Variants in PRLR observed in about 807,000 individuals in gnomAD.
The protein encoded by PRLR is hPRL receptor.
PRLR carries 13 observed loss-of-function variants against 40.2 expected under a neutral mutation model. The ratio of observed to expected loss-of-function variants is 0.32; its 90% CI spans 0.21 to 0.51. The LOEUF (loss-of-function observed/expected upper bound fraction) is 0.51. PRLR is among the 20% of genes least tolerant of loss of function. The probability of loss-of-function intolerance (pLI) is 0.97; values close to 1 mark genes in which losing one functional copy is unlikely to be tolerated. For synonymous variants in PRLR, 269 were observed against 278.7 expected (o/e 0.97, Z 0.35); for missense variants, 656 against 747.3 (o/e 0.88, Z 1.42).
chr5:35,223,655 G>A (rs1472493749), intron 1 of PRLR, among the ~76,000 whole-genome samples: 4 of 152,214 alleles, frequency 2.6e-5, no homozygotes, highest in South Asian at 2.1e-4. Flanking sequence ...ATACCTTAGA[G>A]GTTATGGGCA....
intron 1 of PRLR, among the ~76,000 whole-genome samples, chr5:35,173,375 C>T (rs1579763064): frequency 6.6e-6 from 1 of 152,254 alleles, no homozygotes; most frequent in East Asian, 1.9e-4. Context: ...TCCATTCATG[C>T]CCTGCTTTTT....
Position 35,156,153 on chromosome 5 carries a change from A to C in PRLR, c.-105-38031T>G, listed in dbSNP as rs138473550. Reference sequence around the variant, plus strand: ...AAAAAAAAAAAACAAAAAAAAAAACAAAACCAACTTTGAATCATCCTTGAT... The same window carrying C: ...AAAAAAAAAAAACAAAAAAAAAAACCAAACCAACTTTGAATCATCCTTGAT... On this transcript the variant is annotated intron_variant, in intron 1 of 9. Transcript: ENST00000618457. Among the ~76,000 whole-genome samples the C allele has an allele frequency of 4.2e-3, 627 of 151,018 alleles. 9 individuals are homozygous for C. Among genetic ancestry groups the C allele is most frequent in the African/African-American group, 0.014 (576 of 40,716 alleles).
chr5:35,122,867 A>C (rs530340795), intron 1 of PRLR, among the ~76,000 whole-genome samples: 1 of 152,290 alleles, frequency 6.6e-6, no homozygotes, highest in African/African-American at 2.4e-5. Flanking sequence ...CTGAGAGTGG[A>C]GGAACCAAAG....
At chr5:35,131,399 T>C (rs1335380930) in intron 1 of PRLR, among the ~76,000 whole-genome samples, 2 of 152,166 alleles carry the variant, frequency 1.3e-5, no homozygotes, top group East Asian at 1.9e-4. Context: ...GGGGTTTACA[T>C]ACAGGGGAGA....
At chr5:35,084,724 T>C in intron 4 of PRLR, 85 bp from the exon 5 acceptor site, 1 of 1,310,552 alleles carries the variant, frequency 7.6e-7, no homozygotes, top group Non-Finnish European at 1.0e-6. Context: ...ACCACTGGCC[T>C]TTGGGTATCA....
intron 2 of PRLR, among the ~76,000 whole-genome samples, chr5:35,116,486 G>C (rs1466663982): frequency 6.6e-6 from 1 of 152,158 alleles, no homozygotes; most frequent in East Asian, 1.9e-4. Flanking sequence ...CAAATACAAA[G>C]TAGCGGCCAA....
chr5:35,171,599 A>G (rs1355251502), intron 1 of PRLR, among the ~76,000 whole-genome samples: 1 of 152,226 alleles, frequency 6.6e-6, no homozygotes. Flanking sequence ...AATGGGGTCC[A>G]GGACACTATG....
intron 2 of PRLR, among the ~76,000 whole-genome samples, chr5:35,113,737 C>T (rs1199132173): frequency 6.6e-6 from 1 of 152,208 alleles, no homozygotes; most frequent in Non-Finnish European, 1.5e-5. Flanking sequence ...CTAAGGAGGA[C>T]CCCTGCAGGT....
intron 1 of PRLR, among the ~76,000 whole-genome samples, chr5:35,189,797 T>A (rs1344602524): frequency 6.6e-6 from 1 of 152,116 alleles, no homozygotes; most frequent in Non-Finnish European, 1.5e-5. Flanking sequence ...TTATGAAGAT[T>A]CCTCTCAGTG....
At position 35,060,590 on chromosome 5, in the gene PRLR, A is replaced by AT. The variant is rs2053814198; in HGVS notation, c.*4498dup. 1 of 152,234 alleles carries AT rather than the reference A, an allele frequency of 6.6e-6. No individual in the cohort carries two copies. Among genetic ancestry groups the AT allele is most frequent in the Non-Finnish European group, 1.5e-5 (1 of 68,046 alleles). 9.4% of individuals were successfully genotyped at this position (152,234 alleles called of 1,614,324 possible). On this transcript the variant is annotated 3_prime_UTR_variant, in exon 10 of 10. Transcript: ENST00000618457. ...CTGATGGCCAGAGTTTAAAAGACTCATCCCAGGACATAGTGCCTACTTAGT... is the reference window on the plus strand; with the variant it reads ...CTGATGGCCAGAGTTTAAAAGACTCATTCCCAGGACATAGTGCCTACTTAGT...
At chr5:35,172,612 C>A (rs976589717) in intron 1 of PRLR, among the ~76,000 whole-genome samples, 2 of 152,204 alleles carry the variant, frequency 1.3e-5, no homozygotes, top group African/African-American at 4.8e-5. Context: ...TCTGCTGACA[C>A]CTTTGTAAAG....
intron 1 of PRLR, among the ~76,000 whole-genome samples, chr5:35,181,500 G>T (rs1775296270): frequency 6.6e-6 from 1 of 152,170 alleles, no homozygotes; most frequent in African/African-American, 2.4e-5. Context: ...TATTAAGTGA[G>T]AGCTGCCACT....
intron 2 of PRLR, among the ~76,000 whole-genome samples, chr5:35,105,219 A>G (rs1772157134): frequency 6.6e-6 from 1 of 152,252 alleles, no homozygotes; most frequent in South Asian, 2.1e-4. Context: ...CCGCATCTGT[A>G]CATCACCATC....
Position 35,196,491 on chromosome 5 carries a change from C to T in PRLR, c.-106+33777G>A, listed in dbSNP as rs142111151. On this transcript the variant is annotated intron_variant, in intron 1 of 9. Transcript: ENST00000618457. Reference sequence around the variant, plus strand: ...GACTCTTAAAGGAATTCTCCAAAGCCTGACTCCATCAGCCAGGGGATTAGG... The same window carrying T: ...GACTCTTAAAGGAATTCTCCAAAGCTTGACTCCATCAGCCAGGGGATTAGG... Among the ~76,000 whole-genome samples, 413 of 152,332 alleles carry T rather than the reference C, an allele frequency of 2.7e-3. 1 individual carries two copies. Among genetic ancestry groups the T allele is most frequent in the African/African-American group, 9.5e-3 (394 of 41,578 alleles).
In PRLR at chr5:35,059,526, T is replaced by C. The variant is rs953811155; in HGVS notation, c.*5563A>G. The C allele has an allele frequency of 3.9e-5, 6 of 152,240 alleles. No individual in the cohort carries two copies. The highest frequency in any genetic ancestry group is 7.4e-5 in the Non-Finnish European group (5 of 67,984). 9.4% of individuals were successfully genotyped at this position (152,240 alleles called of 1,614,324 possible). A position where few individuals can be genotyped will look rare whatever the true frequency, so the allele number is the denominator to read the frequency against. On this transcript the variant is annotated 3_prime_UTR_variant, in exon 10 of 10. Coordinates refer to ENST00000618457, the MANE Select transcript of PRLR (RefSeq NM_000949.7). ...TTAGATTTACCATAGCCAATAAAATTTGGATTTAGTGGGTTAGTCTCAGCA... is the reference window on the plus strand; with the variant it reads ...TTAGATTTACCATAGCCAATAAAATCTGGATTTAGTGGGTTAGTCTCAGCA...
At chr5:35,197,281 G>A (rs763001688) in intron 1 of PRLR, among the ~76,000 whole-genome samples, 1 of 152,186 alleles carries the variant, frequency 6.6e-6, no homozygotes, top group Non-Finnish European at 1.5e-5. Context: ...ATAGGATTTC[G>A]GGGAGGTCAC....
At chr5:35,072,043 C>T (rs1015001822) in intron 6 of PRLR, among the ~76,000 whole-genome samples, 59 of 151,768 alleles carry the variant, frequency 3.9e-4, no homozygotes, top group African/African-American at 1.4e-3. Context: ...TTACAGGTGC[C>T]CGCCACCACA....
At chr5:35,102,002 G>GT (rs1167464471) in intron 2 of PRLR, among the ~76,000 whole-genome samples, 5 of 151,550 alleles carry the variant, frequency 3.3e-5, no homozygotes, top group African/African-American at 9.7e-5. Context: ...TAATTTTTTT[G>GT]TTTTTTTAGT....
intron 1 of PRLR, among the ~76,000 whole-genome samples, chr5:35,139,703 TTG>T (rs1561329119): frequency 6.6e-6 from 1 of 152,204 alleles, no homozygotes; most frequent in Non-Finnish European, 1.5e-5. Context: ...ATAGAATAAT[TTG>T]CATCTGAGAG....
Sources: gnomAD v4.1 joint callset for allele counts (sites outside exome capture counted in the v4.1 genomes callset) on GRCh38, gnomAD v4.1.1 for gene constraint, MANE v1.5 for transcripts, NCBI Gene and HGNC (gene_info 2026-07-23, HGNC 2026-07-21) for gene names.